NREP: variants seen among roughly 807,000 people sequenced by gnomAD.
NREP encodes neuronal regeneration related protein, also known as neuronal regeneration-related protein.
In NREP, 5 loss-of-function variants were observed where a neutral mutation model predicts 8.6. That is an observed-to-expected ratio of 0.58 (90% CI 0.30 to 1.22). The LOEUF (loss-of-function observed/expected upper bound fraction) is 1.22, where lower values mean the gene tolerates loss of function less well. Among genes scored for constraint, NREP ranks in the 50% most tolerant of loss-of-function variants. The pLI is 0.07. For missense variants in NREP, 86 were observed against 82.5 expected, an observed-to-expected ratio of 1.04 and a Z score of -0.17; for synonymous variants, 27 against 28.0, an observed-to-expected ratio of 0.96 and a Z score of 0.11.
chr5:111,804,243 T>C (rs538177254), intron 2 of NREP, among the ~76,000 whole-genome samples: 23 of 152,320 alleles, frequency 1.5e-4, no homozygotes, highest in African/African-American at 5.5e-4. Flanking sequence ...GAAAATTCAG[T>C]ACACGATAAA....
chr5:111,731,430 T>TAA (rs11376552), intron 3 of NREP, among the ~76,000 whole-genome samples: 3,634 of 141,408 alleles, frequency 0.026, 131 homozygotes, highest in East Asian at 0.1. Flanking sequence ...TTGATAATTA[T>TAA]AAAAAAAAAA....
chr5:111,972,861 C>T (rs191986504), intron 2 of NREP, among the ~76,000 whole-genome samples: 54 of 152,328 alleles, frequency 3.5e-4, no homozygotes, highest in African/African-American at 1.3e-3. Flanking sequence ...AGCTTGAACC[C>T]ATGTGGGCTG....
intron 2 of NREP, among the ~76,000 whole-genome samples, chr5:111,793,812 A>G (rs1214715293): frequency 6.6e-6 from 1 of 152,198 alleles, no homozygotes; most frequent in African/African-American, 2.4e-5. Flanking sequence ...TAATTCCAGC[A>G]CTTTGGGAGG....
rs201334101 is a variant in NREP at position 111,874,010 on chromosome 5, G to A, written c.135+101264C>T. ...TTAAAGATGAGGCCTCACTGTTAGGGTGAGTGATTGTTATTCTGAATGTTC... is the reference window on the plus strand; with the variant it reads ...TTAAAGATGAGGCCTCACTGTTAGGATGAGTGATTGTTATTCTGAATGTTC... On this transcript the variant is annotated intron_variant, in intron 2 of 3. Transcript: ENST00000395634. 4.0e-5 allele frequency among the ~76,000 whole-genome samples: 6 copies of A among 151,856 alleles called. No individual in the cohort carries two copies. The East Asian group carries it at 9.7e-4, about 25-fold the overall frequency.
intron 2 of NREP, among the ~76,000 whole-genome samples, chr5:111,929,566 T>G (rs1561352183): frequency 6.6e-6 from 1 of 152,240 alleles, no homozygotes; most frequent in Non-Finnish European, 1.5e-5. Context: ...TATTGTCAAG[T>G]TGGTTTTAAA....
intron 2 of NREP, among the ~76,000 whole-genome samples, chr5:111,875,281 A>G (rs1006074017): frequency 2.0e-5 from 3 of 152,182 alleles, no homozygotes; most frequent in Admixed American, 2.0e-4. Context: ...TTGTAATAAT[A>G]GGCCTCTGAG....
intron 2 of NREP, among the ~76,000 whole-genome samples, chr5:111,772,442 TA>T (rs1371257055): frequency 6.6e-6 from 1 of 152,178 alleles, no homozygotes; most frequent in African/African-American, 2.4e-5. Context: ...AACTTTTGTT[TA>T]AAAAATGTGA....
rs75964749 is a variant in NREP at position 111,764,273 on chromosome 5, G to A, written c.136-28766C>T. 3.9e-3 allele frequency among the ~76,000 whole-genome samples: 600 copies of A among 152,222 alleles called. 2 individuals are homozygous for A. Among genetic ancestry groups the A allele is most frequent in the Admixed American group, 0.01 (156 of 15,280 alleles). Reference sequence around the variant, plus strand: ...TTCAGAGGCAGAGATGGAAGGAGGGGGTTGGCCCAAAAAGAAAGGGCTGAT... The same window carrying A: ...TTCAGAGGCAGAGATGGAAGGAGGGAGTTGGCCCAAAAAGAAAGGGCTGAT... On this transcript the variant is annotated intron_variant, in intron 2 of 3. Coordinates refer to the NREP transcript ENST00000395634.
chr5:111,819,121 G>A (rs1417317854), intron 2 of NREP, among the ~76,000 whole-genome samples: 3 of 152,038 alleles, frequency 2.0e-5, no homozygotes, highest in Non-Finnish European at 4.4e-5. Context: ...TCTAGTTTCA[G>A]TAAACAACTT....
chr5:111,824,690 G>C (rs1427305617), intron 2 of NREP, among the ~76,000 whole-genome samples: 3 of 152,122 alleles, frequency 2.0e-5, no homozygotes, highest in African/African-American at 7.2e-5. Context: ...TTCCTAATTT[G>C]ACTGTGGCCA....
chr5:111,877,207 A>G (rs1435460891), intron 2 of NREP, among the ~76,000 whole-genome samples: 1 of 152,100 alleles, frequency 6.6e-6, no homozygotes, highest in African/African-American at 2.4e-5. Flanking sequence ...ATATCTCTCA[A>G]TCTTTCCTTC....
At chr5:111,948,764 A>G (rs1257685903) in intron 2 of NREP, 2 of 152,090 alleles carry the variant, frequency 1.3e-5, no homozygotes, top group African/African-American at 4.8e-5. Context: ...TGTCTGACTC[A>G]TATCATGACT....
intron 2 of NREP, among the ~76,000 whole-genome samples, chr5:111,754,194 A>T (rs755114390): frequency 4.6e-5 from 7 of 152,196 alleles, no homozygotes; most frequent in Non-Finnish European, 7.3e-5. Flanking sequence ...ACACGTAATA[A>T]TAATTTGCAT....
chr5:111,917,925 G>A (rs1039731065), intron 2 of NREP, among the ~76,000 whole-genome samples: 6 of 152,098 alleles, frequency 3.9e-5, no homozygotes, highest in African/African-American at 1.4e-4. Flanking sequence ...AATTGTCTCT[G>A]TTTGCAGATG....
chr5:111,835,078 C>T (rs1156899802), intron 2 of NREP, among the ~76,000 whole-genome samples: 1 of 152,150 alleles, frequency 6.6e-6, no homozygotes, highest in Non-Finnish European at 1.5e-5. Flanking sequence ...GCTCTCACCA[C>T]ACACATCCAT....
chr5:111,902,776 C>T (rs1274386636), intron 2 of NREP, among the ~76,000 whole-genome samples: 1 of 152,154 alleles, frequency 6.6e-6, no homozygotes, highest in African/African-American at 2.4e-5. Context: ...TGCTCCTTCT[C>T]ATCAAACAGA....
chr5:111,768,371 A>T (rs1470027564), intron 2 of NREP, among the ~76,000 whole-genome samples: 3 of 152,140 alleles, frequency 2.0e-5, no homozygotes, highest in Non-Finnish European at 4.4e-5. Context: ...TTATAATTTC[A>T]ACTTTTATTT....
At chr5:111,918,736 A>C (rs1365481422) in intron 2 of NREP, among the ~76,000 whole-genome samples, 1 of 152,170 alleles carries the variant, frequency 6.6e-6, no homozygotes, top group African/African-American at 2.4e-5. Context: ...ACTTAAATGT[A>C]AAACCTAAAA....
intron 2 of NREP, among the ~76,000 whole-genome samples, chr5:111,812,028 C>T (rs977656592): frequency 1.3e-5 from 2 of 152,152 alleles, no homozygotes; most frequent in Admixed American, 6.5e-5. Context: ...TGGTTCACGC[C>T]TGTAATCGCA....
Sources: gnomAD v4.1 joint callset for allele counts (sites outside exome capture counted in the v4.1 genomes callset) on GRCh38, gnomAD v4.1.1 for gene constraint, MANE v1.5 for transcripts, NCBI Gene and HGNC (gene_info 2026-07-23, HGNC 2026-07-21) for gene names.